The following ABCC4 variants were observed in gnomAD, a reference collection of about 807,000 sequenced individuals.
ABCC4 encodes ATP binding cassette subfamily C member 4 (PEL blood group).
Under a neutral mutation model 168.5 loss-of-function variants are expected in ABCC4, and 102 were observed. The ratio of observed to expected loss-of-function variants is 0.61; its 90% confidence interval spans 0.52 to 0.71. ABCC4 has a LOEUF of 0.71. ABCC4 is among the 30% of genes least tolerant of loss of function. The probability of loss-of-function intolerance (pLI) is 0.00; values close to 1 mark genes in which losing one functional copy is unlikely to be tolerated. For synonymous variants in ABCC4, 617 were observed against 590.7 expected, an observed-to-expected ratio of 1.04 and a Z score of -0.65; for missense variants, 1,402 against 1,605.8, an observed-to-expected ratio of 0.87 and a Z score of 2.17.
chr13:95,214,385 A>T (rs1481261539), intron 4 of ABCC4, among the ~76,000 whole-genome samples: 1 of 152,196 alleles, frequency 6.6e-6, no homozygotes, highest in Non-Finnish European at 1.5e-5. Context: ...TGAACAAATA[A>T]TGACTGGAAT....
rs1272404881 is a variant in ABCC4, at chr13:95,301,331, G to A, written c.-17C>T. On this transcript the variant is annotated 5_prime_UTR_variant, in exon 1 of 31. Coordinates refer to ENST00000645237, the MANE Select transcript of ABCC4 (RefSeq NM_005845.5). ...GGGCAGCATCTTGCCGGGCGGGGCG[G>A]GCGCGGGCCGGGGTCGCGCTGATCA... 3 of 1,575,182 alleles carry A rather than the reference G, an allele frequency of 1.9e-6. No individual in the cohort carries two copies. Among genetic ancestry groups the A allele is most frequent in the African/African-American group, 2.8e-5 (2 of 72,026 alleles).
intron 20 of ABCC4, among the ~76,000 whole-genome samples, chr13:95,100,051 G>T (rs1285173716): frequency 1.3e-5 from 2 of 152,148 alleles, no homozygotes; most frequent in African/African-American, 4.8e-5. Flanking sequence ...AGCATAGAGA[G>T]AATTTAAAGG....
At chr13:95,052,032 G>A (rs2032863704) in intron 27 of ABCC4, among the ~76,000 whole-genome samples, 1 of 150,190 alleles carries the variant, frequency 6.7e-6, no homozygotes, top group South Asian at 2.1e-4. Flanking sequence ...CCAGATGGGA[G>A]TGCAGTGGCA....
At chr13:95,161,603 G>A (rs1323055348) in intron 18 of ABCC4, among the ~76,000 whole-genome samples, 2 of 152,158 alleles carry the variant, frequency 1.3e-5, no homozygotes, top group Non-Finnish European at 2.9e-5. Flanking sequence ...TCAATTGCAA[G>A]TTCTATTAAA....
At chr13:95,092,017 T>C (rs1052991922) in intron 20 of ABCC4, among the ~76,000 whole-genome samples, 4 of 152,256 alleles carry the variant, frequency 2.6e-5, no homozygotes, top group Non-Finnish European at 4.4e-5. Flanking sequence ...GCTATTCTTA[T>C]ATCAGACAAA....
In ABCC4 at chr13:95,053,155, C is replaced by T. The variant is rs746029390; in HGVS notation, c.3396G>A (p.Arg1132=). The change falls in exon 27 of 31, where the codon AGG becomes AGA. Residue 1132 remains arginine, a synonymous_variant. Coordinates refer to ENST00000645237, the MANE Select transcript of ABCC4 (RefSeq NM_005845.5). ...GCTCATTAAAGGGATCCAGGTTTTTCCTCATTGTTCCAGTGAACAAAACAG... is the reference window on the plus strand; with the variant it reads ...GCTCATTAAAGGGATCCAGGTTTTTTCTCATTGTTCCAGTGAACAAAACAG... The part of the protein sequence containing the change: ...QEPVLFTGTM[R]KNLDPFNEHT... The T allele has an allele frequency of 2.5e-6, 4 of 1,614,014 alleles. No homozygotes were observed. The highest frequency in any genetic ancestry group is 2.2e-5 in the South Asian group (2 of 91,086).
chr13:95,241,750 C>T (rs1594363753), intron 3 of ABCC4, among the ~76,000 whole-genome samples: 1 of 151,348 alleles, frequency 6.6e-6, no homozygotes, highest in African/African-American at 2.4e-5. Flanking sequence ...CCTAATCTCA[C>T]TTGCATTACT....
intron 5 of ABCC4, 141 bp downstream of exon 5, chr13:95,210,551 C>A: frequency 1.5e-6 from 1 of 671,454 alleles, no homozygotes; most frequent in South Asian, 2.0e-5. Context: ...CACTTGAGCC[C>A]AGGAGTTCAA....
chr13:95,207,041 T>C (rs1053433467), intron 7 of ABCC4, among the ~76,000 whole-genome samples: 1 of 152,140 alleles, frequency 6.6e-6, no homozygotes, highest in African/African-American at 2.4e-5. Context: ...AAAAAATACA[T>C]ATTTTGTTTT....
chr13:95,173,289 C>A (rs760812967), intron 13 of ABCC4, among the ~76,000 whole-genome samples: 6 of 152,200 alleles, frequency 3.9e-5, no homozygotes, highest in Non-Finnish European at 7.3e-5. Flanking sequence ...GGCACAAATG[C>A]GCTGTGCAAA....
intron 4 of ABCC4, among the ~76,000 whole-genome samples, chr13:95,212,315 G>A (rs373121416): frequency 8.7e-4 from 132 of 152,242 alleles, no homozygotes; most frequent in South Asian, 6.0e-3. Context: ...GAAACAGAAC[G>A]TAATGTGCCT....
intron 29 of ABCC4, among the ~76,000 whole-genome samples, chr13:95,040,946 C>T (rs1157328249): frequency 6.6e-6 from 1 of 152,162 alleles, no homozygotes; most frequent in African/African-American, 2.4e-5. Flanking sequence ...TTCGCTTATT[C>T]CTCGTTCACT....
intron 29 of ABCC4, among the ~76,000 whole-genome samples, chr13:95,037,102 A>AAC (rs1555303254): frequency 2.0e-5 from 3 of 147,828 alleles, no homozygotes; most frequent in Non-Finnish European, 3.0e-5. Flanking sequence ...AAAAAAAAAA[A>AAC]CCCCAAAATC....
intron 30 of ABCC4, among the ~76,000 whole-genome samples, chr13:95,026,191 A>T (rs970430985): frequency 1.3e-5 from 2 of 152,214 alleles, no homozygotes; most frequent in Admixed American, 6.5e-5. Context: ...GTGAGCCAAG[A>T]GCACGCCACT....
intron 29 of ABCC4, among the ~76,000 whole-genome samples, chr13:95,036,156 G>C (rs771148622): frequency 1.3e-5 from 2 of 152,158 alleles, no homozygotes; most frequent in Non-Finnish European, 2.9e-5. Context: ...TCCTGACGAG[G>C]AAGGAAAAAA....
intron 1 of ABCC4, among the ~76,000 whole-genome samples, chr13:95,251,060 TTA>T (rs889934906): frequency 2.6e-5 from 4 of 152,134 alleles, no homozygotes; most frequent in African/African-American, 9.7e-5. Context: ...AATTCTGGGA[TTA>T]CAGGCATGAG....
At chr13:95,293,613 C>A (rs2041456290) in intron 1 of ABCC4, among the ~76,000 whole-genome samples, 1 of 151,104 alleles carries the variant, frequency 6.6e-6, no homozygotes, top group Admixed American at 6.6e-5. Context: ...ACTACAGGTG[C>A]ATGCCACCAC....
In ABCC4 at chr13:95,061,158, G is replaced by A. The variant is rs543439729; in HGVS notation, c.3366+1546C>T. On this transcript the variant is annotated intron_variant, in intron 26 of 30. Coordinates refer to ENST00000645237, the MANE Select transcript of ABCC4 (RefSeq NM_005845.5). ...CATCTGCTCATCTGGCGATGGACAC[G>A]AGCTATTTCCACCTTTTGGGTACTG... Among the ~76,000 whole-genome samples the A allele has an allele frequency of 7.2e-5, 11 of 152,282 alleles. No homozygotes were observed. The South Asian group carries it at 2.1e-3, about 29-fold the overall frequency.
intron 19 of ABCC4, among the ~76,000 whole-genome samples, chr13:95,134,697 G>A (rs2036084987): frequency 6.6e-6 from 1 of 152,110 alleles, no homozygotes; most frequent in Admixed American, 6.6e-5. Context: ...TCCAGCCTGG[G>A]TGACAGAGCA....
Sources: gnomAD v4.1 joint callset for allele counts (sites outside exome capture counted in the v4.1 genomes callset) on GRCh38, gnomAD v4.1.1 for gene constraint, MANE v1.5 for transcripts, NCBI Gene and HGNC (gene_info 2026-07-23, HGNC 2026-07-21) for gene names.